The following PPP2R5A variants were observed in gnomAD, a reference collection of about 807,000 sequenced individuals.
PPP2R5A encodes protein phosphatase 2 regulatory subunit B'alpha, also known as serine/threonine-protein phosphatase 2A 56 kDa regulatory subunit alpha isoform.
A neutral mutation model predicts 64.2 loss-of-function variants in PPP2R5A; 25 were observed. The ratio of observed to expected loss-of-function variants is 0.39; its 90% CI spans 0.28 to 0.54. PPP2R5A has a LOEUF of 0.54. Among genes scored for constraint, PPP2R5A ranks in the 20% least tolerant of loss-of-function variants. PPP2R5A has a pLI of 0.67. For missense variants in PPP2R5A, 425 were observed against 576.3 expected (o/e 0.74, Z 2.69); for synonymous variants, 198 against 201.2 (o/e 0.98, Z 0.13).
At position 212,346,075 on chromosome 1, in the gene PPP2R5A, C is replaced by T. The variant is rs1200417852; in HGVS notation, c.704+142C>T. ...GGAGTGCAGTGGTGAGAACATAGCT[C>T]ATTGTAGCCCCCATCTCCCAGACTC... is the stretch of plus-strand genomic sequence containing the variant. On this transcript the variant is annotated intron_variant, in intron 5 of 12. Transcript: ENST00000261461. The T allele has an allele frequency of 3.9e-6, 3 of 776,276 alleles. No homozygotes were observed. The South Asian group carries it at 6.7e-5, about 17-fold the overall frequency. 48.1% of individuals were successfully genotyped at this position (776,276 alleles called of 1,614,324 possible). A position where few individuals can be genotyped will look rare whatever the true frequency, so the allele number is the denominator to read the frequency against.
chr1:212,359,357 A>G (rs1571616419), intron 12 of PPP2R5A, among the ~76,000 whole-genome samples: 1 of 152,204 alleles, frequency 6.6e-6, no homozygotes, highest in East Asian at 1.9e-4. Flanking sequence ...GAAGTCACAT[A>G]ATGATATGGC....
chr1:212,339,628 TGTG>T (rs1310389548), intron 3 of PPP2R5A, among the ~76,000 whole-genome samples: 1 of 152,228 alleles, frequency 6.6e-6, no homozygotes, highest in Admixed American at 6.5e-5. Context: ...AGAATTTATA[TGTG>T]GTATTTGTGA....
At chr1:212,350,105 T>G (rs1659849098) in intron 8 of PPP2R5A, among the ~76,000 whole-genome samples, 1 of 152,176 alleles carries the variant, frequency 6.6e-6, no homozygotes, top group South Asian at 2.1e-4. Context: ...AACTAAAATA[T>G]ATATGTATTT....
At chr1:212,293,740 A>G (rs1242827106) in intron 1 of PPP2R5A, among the ~76,000 whole-genome samples, 1 of 151,948 alleles carries the variant, frequency 6.6e-6, no homozygotes, top group East Asian at 1.9e-4. Flanking sequence ...TACTGAAGAC[A>G]AGGGATTTCT....
At chr1:212,317,366 T>G (rs1659175555) in intron 1 of PPP2R5A, among the ~76,000 whole-genome samples, 1 of 152,282 alleles carries the variant, frequency 6.6e-6, no homozygotes, top group Non-Finnish European at 1.5e-5. Context: ...AAAGGAACAT[T>G]TGATATTTCA....
chr1:212,319,944 ATTG>A (rs1472477475), intron 1 of PPP2R5A, among the ~76,000 whole-genome samples: 24 of 99,692 alleles, frequency 2.4e-4, no homozygotes, highest in African/African-American at 1.0e-3. Context: ...TTTCTTACAG[ATTG>A]TTTTTTTTTT....
rs534915300 is a variant in PPP2R5A at position 212,312,823 on chromosome 1, G to A, written c.182-16312G>A. Among the ~76,000 whole-genome samples the A allele has an allele frequency of 7.2e-5, 11 of 152,032 alleles. 1 individual carries two copies. In the South Asian group the frequency reaches 2.1e-3, roughly 29 times the overall value. ...TATGAACATAGATTTTTTTAAAGTT[G>A]TATACAAAATATTAACAAATTGAAT... On this transcript the variant is annotated intron_variant, in intron 1 of 12. Coordinates refer to ENST00000261461, the MANE Select transcript of PPP2R5A (RefSeq NM_006243.4).
chr1:212,316,587 C>CTTTTTTTTTTTTTTTTTTTT lies in PPP2R5A; in HGVS notation c.182-12541_182-12522dup, dbSNP rs751228809. ...ATGGATATTTAACCTTTGTGGGTGA[C>CTTTTTTTTTTTTTTTTTTTT]TTTTTTTTTTTTTTTTTTTTTTTTT... is the stretch of plus-strand genomic sequence containing the variant. On this transcript the variant is annotated intron_variant, in intron 1 of 12. Coordinates refer to ENST00000261461, the MANE Select transcript of PPP2R5A (RefSeq NM_006243.4). Among the ~76,000 whole-genome samples the CTTTTTTTTTTTTTTTTTTTT allele has an allele frequency of 6.5e-4, 24 of 36,686 alleles. 2 individuals are homozygous for CTTTTTTTTTTTTTTTTTTTT. Among genetic ancestry groups the CTTTTTTTTTTTTTTTTTTTT allele is most frequent in the East Asian group, 1.3e-3 (1 of 764 alleles). 24.1% of individuals were successfully genotyped at this position (36,686 alleles called of 152,430 possible). A position where few individuals can be genotyped will look rare whatever the true frequency, so the allele number is the denominator to read the frequency against.
At position 212,286,226 on chromosome 1, in the gene PPP2R5A, A is replaced by C. The variant is rs765539889; in HGVS notation, c.116A>C (p.Gln39Pro). The stretch of plus-strand genomic sequence containing the variant: ...AAGGCGCAGAGGCAGAAGCGCTCCC[A>C]GGGCTCGTCGCAGTTTCGCAGCCAG... Reference protein sequence around the residue: ...VRKAQRQKRSQGSSQFRSQGS... With the variant: ...VRKAQRQKRSPGSSQFRSQGS... Residue 39 changes from glutamine to proline, a missense_variant, in exon 1 of 13, where the codon CAG becomes CCG. Gln to Pro is a moderately conservative substitution (Grantham distance 76). Around this residue, in one of 4 missense-constraint regions of PPP2R5A, gnomAD observed 104 missense variants for 95.7 expected, o/e 1.09. Coordinates refer to ENST00000261461, the MANE Select transcript of PPP2R5A (RefSeq NM_006243.4). 1.3e-6 allele frequency: 2 copies of C among 1,568,162 alleles called. No individual in the cohort carries two copies. The highest frequency in any genetic ancestry group is 1.7e-6 in the Non-Finnish European group (2 of 1,158,236).
intron 1 of PPP2R5A, among the ~76,000 whole-genome samples, chr1:212,319,968 T>TTTA (rs1558145974): frequency 9.0e-6 from 1 of 111,294 alleles, no homozygotes; most frequent in Admixed American, 9.3e-5. Context: ...TTTTTTTTTT[T>TTTA]ATTGATCATT....
chr1:212,317,939 C>T (rs1301122195), intron 1 of PPP2R5A, among the ~76,000 whole-genome samples: 1 of 149,366 alleles, frequency 6.7e-6, no homozygotes, highest in East Asian at 2.0e-4. Context: ...TGAGCTGAGA[C>T]TCAATCTCAA....
intron 3 of PPP2R5A, among the ~76,000 whole-genome samples, chr1:212,334,347 T>C (rs767868580): frequency 6.6e-6 from 1 of 152,088 alleles, no homozygotes; most frequent in Non-Finnish European, 1.5e-5. Flanking sequence ...TGGAGTGTAG[T>C]GGAGTGGCAT....
At chr1:212,333,656 A>G (rs768422246) in intron 3 of PPP2R5A, 58 bp downstream of exon 3, 98 of 990,950 alleles carry the variant, frequency 9.9e-5, no homozygotes, top group Non-Finnish European at 1.3e-4. Flanking sequence ...TGCAGAAATC[A>G]TGGTTTTCTC....
intron 3 of PPP2R5A, among the ~76,000 whole-genome samples, chr1:212,339,306 T>A (rs1659645111): frequency 6.6e-6 from 1 of 152,148 alleles, no homozygotes; most frequent in Admixed American, 6.5e-5. Flanking sequence ...GCCTCCCAAG[T>A]AGCTGGGATT....
chr1:212,311,428 T>C (rs1407434965), intron 1 of PPP2R5A, among the ~76,000 whole-genome samples: 1 of 151,278 alleles, frequency 6.6e-6, no homozygotes, highest in Non-Finnish European at 1.5e-5. Context: ...ATCGTGCCAC[T>C]GCACTCCAGC....
At chr1:212,305,875 A>C (rs1032702853) in intron 1 of PPP2R5A, among the ~76,000 whole-genome samples, 1 of 152,186 alleles carries the variant, frequency 6.6e-6, no homozygotes, top group Non-Finnish European at 1.5e-5. Flanking sequence ...AAGATGAAAA[A>C]TAATATATAT....
At chr1:212,319,947 GTTTTTTTTTTT>G (rs71137742) in intron 1 of PPP2R5A, among the ~76,000 whole-genome samples, 7 of 103,388 alleles carry the variant, frequency 6.8e-5, no homozygotes, top group Non-Finnish European at 1.1e-4. Context: ...CTTACAGATT[GTTTTTTTTTTT>G]TTTTTTTTTT....
chr1:212,358,652 A>G (rs576997543), intron 11 of PPP2R5A, 34 bp from the exon 12 acceptor site: 3 of 1,479,734 alleles, frequency 2.0e-6, no homozygotes, highest in East Asian at 4.6e-5. Flanking sequence ...TGTTAGCAGT[A>G]TCATAACTCA....
At chr1:212,341,250 C>T (rs1286211815) in intron 3 of PPP2R5A, among the ~76,000 whole-genome samples, 1 of 152,148 alleles carries the variant, frequency 6.6e-6, no homozygotes, top group African/African-American at 2.4e-5. Flanking sequence ...AGAAGGCCTG[C>T]TATGACTTCT....
Sources: gnomAD v4.1 joint callset for allele counts (sites outside exome capture counted in the v4.1 genomes callset) on GRCh38, gnomAD v4.1.1 for gene constraint, gnomAD v4.1.1 regional missense constraint, MANE v1.5 for transcripts, NCBI Gene and HGNC (gene_info 2026-07-23, HGNC 2026-07-21) for gene names.